SAE1: variants seen among roughly 807,000 people sequenced by gnomAD.
SAE1 encodes the protein SUMO-activating enzyme subunit 1.
SAE1 carries 11 observed loss-of-function variants against 40.6 expected under a neutral mutation model. The observed-to-expected ratio is 0.27, with a 90% CI of 0.17 to 0.45. The LOEUF is 0.45. Ranked by LOEUF, SAE1 falls within the 20% of genes least tolerant of loss-of-function variation. The pLI is 1.00. For missense variants in SAE1, 373 were observed against 427.3 expected (o/e 0.87, Z 1.12); for synonymous variants, 155 against 154.3 (o/e 1.00, Z -0.03).
chr19:47,209,526 C>T lies in SAE1; in HGVS notation c.*275C>T. Reference sequence around the variant, plus strand: ...AGCTCCCCTGAGTGATGAGCACTTCCAAGCACCCCTCTGCCCTTTCTCTGT... The same window carrying T: ...AGCTCCCCTGAGTGATGAGCACTTCTAAGCACCCCTCTGCCCTTTCTCTGT... On this transcript the variant is annotated 3_prime_UTR_variant, in exon 9 of 9. Transcript: ENST00000270225. 1.8e-6 allele frequency: 1 copy of T among 562,920 alleles called. No homozygotes were observed. Among genetic ancestry groups the T allele is most frequent in the South Asian group, 2.3e-5 (1 of 43,678 alleles). 34.9% of individuals were successfully genotyped at this position (562,920 alleles called of 1,614,324 possible).
intron 1 of SAE1, among the ~76,000 whole-genome samples, chr19:47,138,142 C>T (rs184316984): frequency 6.6e-6 from 1 of 152,304 alleles, no homozygotes; most frequent in East Asian, 1.9e-4. Flanking sequence ...CTCCCGGGTT[C>T]AGGCAATTCT....
rs753934270 is a variant in SAE1 at position 47,155,221 on chromosome 19, T to C, written c.627+8T>C. 1 of 1,595,172 alleles carries C rather than the reference T, an allele frequency of 6.3e-7. No homozygotes were observed. Among genetic ancestry groups the C allele is most frequent in the Non-Finnish European group, 8.6e-7 (1 of 1,163,112 alleles). ...ACAACGATGGTCAAAAAGGTATGTG[T>C]AACGTGGGGGCAGAGGTCAGAAACC... is the stretch of plus-strand genomic sequence containing the variant. On this transcript the variant is annotated splice_region_variant and intron_variant, in intron 5 of 8. Transcript: ENST00000270225.
At chr19:47,133,768 A>G (rs762726212) in intron 1 of SAE1, among the ~76,000 whole-genome samples, 13 of 152,194 alleles carry the variant, frequency 8.5e-5, no homozygotes, top group Admixed American at 2.6e-4. Flanking sequence ...ACCTGGAACG[A>G]TGGAATTGCC....
intron 8 of SAE1, among the ~76,000 whole-genome samples, chr19:47,207,765 ACT>A (rs1171684177): frequency 1.3e-5 from 2 of 151,720 alleles, no homozygotes; most frequent in African/African-American, 4.8e-5. Flanking sequence ...TTCCTGAGGC[ACT>A]GAGACTATAA....
chr19:47,147,996 G>A (rs893162264), intron 2 of SAE1, among the ~76,000 whole-genome samples: 4 of 151,882 alleles, frequency 2.6e-5, no homozygotes, highest in African/African-American at 4.8e-5. Flanking sequence ...TCCTGACCTC[G>A]TGATCTGCCT....
chr19:47,198,756 AG>A (rs988160451), intron 7 of SAE1, among the ~76,000 whole-genome samples: 1 of 152,198 alleles, frequency 6.6e-6, no homozygotes, highest in African/African-American at 2.4e-5. Context: ...TAGGGCCAGC[AG>A]TGGTCTTTGA....
At chr19:47,195,791 A>G (rs56217044) in intron 6 of SAE1, among the ~76,000 whole-genome samples, 328 of 130,508 alleles carry the variant, frequency 2.5e-3, no homozygotes, top group Non-Finnish European at 3.9e-3. Context: ...GCTGGAGTGC[A>G]GTGATGAGAT....
chr19:47,159,949 C>T (rs1408604716), intron 5 of SAE1, among the ~76,000 whole-genome samples: 2 of 152,196 alleles, frequency 1.3e-5, no homozygotes, highest in Non-Finnish European at 2.9e-5. Context: ...CCACTTTGGC[C>T]TCCCAAAGTA....
chr19:47,179,384 A>G (rs1600191666), intron 6 of SAE1, among the ~76,000 whole-genome samples: 3 of 143,284 alleles, frequency 2.1e-5, no homozygotes, highest in Admixed American at 7.0e-5. Context: ...GCACACTCCT[A>G]TAATCCTAGC....
At chr19:47,175,382 C>T (rs2058463183) in intron 6 of SAE1, among the ~76,000 whole-genome samples, 2 of 152,120 alleles carry the variant, frequency 1.3e-5, no homozygotes, top group South Asian at 4.1e-4. Flanking sequence ...GTTTTATAGA[C>T]AGTCAGAATT....
At chr19:47,176,648 T>C (rs2058470378) in intron 6 of SAE1, among the ~76,000 whole-genome samples, 1 of 152,102 alleles carries the variant, frequency 6.6e-6, no homozygotes, top group Non-Finnish European at 1.5e-5. Flanking sequence ...CACTCACAGG[T>C]AGATGTTTTT....
chr19:47,137,298 G>T (rs1010859814), intron 1 of SAE1, among the ~76,000 whole-genome samples: 2 of 152,084 alleles, frequency 1.3e-5, no homozygotes, highest in African/African-American at 2.4e-5. Context: ...TGAGGCAGGA[G>T]AATTGTTTGA....
At chr19:47,145,477 G>A (rs1222168127) in intron 2 of SAE1, among the ~76,000 whole-genome samples, 1 of 152,160 alleles carries the variant, frequency 6.6e-6, no homozygotes, top group African/African-American at 2.4e-5. Context: ...ATATTATAAT[G>A]GTAGAGCCCA....
chr19:47,131,443 G>T (rs2058141747), intron 1 of SAE1, among the ~76,000 whole-genome samples: 3 of 152,084 alleles, frequency 2.0e-5, no homozygotes, highest in Admixed American at 2.0e-4. Context: ...CTGCACACAG[G>T]GGAGACTGGA....
At chr19:47,196,208 T>A (rs545086883) in intron 6 of SAE1, among the ~76,000 whole-genome samples, 14 of 151,424 alleles carry the variant, frequency 9.2e-5, no homozygotes, top group East Asian at 7.8e-4. Context: ...TAATTTTTTT[T>A]ATATTTTTAG....
intron 6 of SAE1, among the ~76,000 whole-genome samples, chr19:47,195,141 G>A (rs1395619836): frequency 1.3e-5 from 2 of 149,282 alleles, no homozygotes; most frequent in Non-Finnish European, 3.0e-5. Flanking sequence ...TGCAACCTCT[G>A]CCTCCCGGGT....
At chr19:47,191,835 C>G (rs1249929148) in intron 6 of SAE1, among the ~76,000 whole-genome samples, 1 of 152,014 alleles carries the variant, frequency 6.6e-6, no homozygotes, top group African/African-American at 2.4e-5. Flanking sequence ...GCGGGCCGAT[C>G]ACAAGGTCAG....
At chr19:47,145,025 G>A (rs979798019) in intron 2 of SAE1, among the ~76,000 whole-genome samples, 31 of 150,030 alleles carry the variant, frequency 2.1e-4, no homozygotes, top group Non-Finnish European at 1.9e-4. Context: ...TTTTTGAGAC[G>A]GAGTTTAGCT....
chr19:47,187,999 C>CT (rs1330974044), intron 6 of SAE1, among the ~76,000 whole-genome samples: 1 of 152,130 alleles, frequency 6.6e-6, no homozygotes, highest in East Asian at 1.9e-4. Context: ...GCATAAAAAT[C>CT]TAATGGAGGA....
Sources: allele counts gnomAD v4.1 joint callset (sites outside exome capture counted in the v4.1 genomes callset), GRCh38; gene constraint gnomAD v4.1.1; transcripts MANE v1.5; gene names NCBI Gene and HGNC (gene_info 2026-07-23, HGNC 2026-07-21).